The following TFAP2A variants were observed in gnomAD, a reference collection of about 807,000 sequenced individuals.
TFAP2A encodes transcription factor AP-2-alpha.
In TFAP2A, 7 loss-of-function variants were observed where a neutral mutation model predicts 41.5. That is an observed-to-expected ratio of 0.17 (90% CI 0.10 to 0.32). TFAP2A has a LOEUF of 0.32. Among genes scored for constraint, TFAP2A ranks in the 10% least tolerant of loss-of-function variants. TFAP2A has a pLI of 1.00. For missense variants in TFAP2A, 416 were observed against 563.3 expected, an observed-to-expected ratio of 0.74 and a Z score of 2.65; for synonymous variants, 247 against 242.8, an observed-to-expected ratio of 1.02 and a Z score of -0.16.
At chr6:10,413,688 TG>T (rs1018153187) in intron 1 of TFAP2A, among the ~76,000 whole-genome samples, 22 of 151,638 alleles carry the variant, frequency 1.5e-4, no homozygotes, top group African/African-American at 5.1e-4. Context: ...TCTACCGGGG[TG>T]GGGGGCCTGA....
rs1292186347 is a variant in TFAP2A at position 10,397,757 on chromosome 6, T to C, written c.*660A>G. On this transcript the variant is annotated 3_prime_UTR_variant, in exon 7 of 7. Transcript: ENST00000379613. ...ACAGAGACGTGAACACTGATTCCCT[T>C]ATATAACTGCGAATCGTGTTGCCAG... The C allele has an allele frequency of 1.7e-5, 10 of 603,254 alleles. No homozygotes were observed. Among genetic ancestry groups the C allele is most frequent in the Non-Finnish European group, 1.9e-5 (9 of 481,012 alleles). 37.4% of individuals were successfully genotyped at this position (603,254 alleles called of 1,614,324 possible). A position where few individuals can be genotyped will look rare whatever the true frequency, so the allele number is the denominator to read the frequency against.
chr6:10,401,239 T>C (rs893032094), intron 5 of TFAP2A, among the ~76,000 whole-genome samples: 1 of 152,180 alleles, frequency 6.6e-6, no homozygotes, highest in African/African-American at 2.4e-5. Context: ...TCACAAACAA[T>C]AACAGTTCTC....
chr6:10,414,098 T>C (rs1758131576), intron 1 of TFAP2A, among the ~76,000 whole-genome samples: 1 of 152,240 alleles, frequency 6.6e-6, no homozygotes, highest in South Asian at 2.1e-4. Context: ...CGGCGCGCTC[T>C]GTCGGCCCAG....
intron 2 of TFAP2A, chr6:10,407,869 C>T (rs1487263537): frequency 6.6e-6 from 1 of 152,186 alleles, no homozygotes; most frequent in Admixed American, 6.5e-5. Flanking sequence ...TCAATGCTCT[C>T]ATTTGTAACT....
At chr6:10,411,551 G>A in intron 1 of TFAP2A, 1 of 1,613,926 alleles carries the variant, frequency 6.2e-7, no homozygotes, top group Non-Finnish European at 8.5e-7. Context: ...ACAGCAACGG[G>A]GGTGGGGATG....
At chr6:10,417,531 C>T (rs1370111451), upstream of TFAP2A, among the ~76,000 whole-genome samples, 2 of 152,358 alleles carry the variant, frequency 1.3e-5, no homozygotes, top group East Asian at 3.9e-4. Flanking sequence ...GGGCCAGAAC[C>T]CCGGGACAGC....
Position 10,397,422 on chromosome 6 carries a change from G to A in TFAP2A, c.*995C>T, listed in dbSNP as rs1242562543. 6.6e-6 allele frequency: 1 copy of A among 150,780 alleles called. No individual in the cohort carries two copies. Among genetic ancestry groups the A allele is most frequent in the East Asian group, 1.9e-4 (1 of 5,170 alleles). 9.3% of individuals were successfully genotyped at this position (150,780 alleles called of 1,614,324 possible). A position where few individuals can be genotyped will look rare whatever the true frequency, so the allele number is the denominator to read the frequency against. ...GGTCCAATATCACTTTTTTTCTTTC[G>A]GTTCAATGAAAAGCTAAATGTAATA... On this transcript the variant is annotated 3_prime_UTR_variant, in exon 7 of 7. Coordinates refer to ENST00000379613, the MANE Select transcript of TFAP2A (RefSeq NM_001372066.1).
chr6:10,413,748 C>T (rs1281785907), intron 1 of TFAP2A, among the ~76,000 whole-genome samples: 5 of 152,036 alleles, frequency 3.3e-5, no homozygotes, highest in African/African-American at 1.2e-4. Flanking sequence ...GAGGAGGGAG[C>T]GGGTGACACA....
At chr6:10,416,085 A>G (rs1306480906), upstream of TFAP2A, 2 of 152,356 alleles carry the variant, frequency 1.3e-5, no homozygotes, top group South Asian at 2.1e-4. Flanking sequence ...CCGCTTCTGA[A>G]GTTGAGCCTA....
At chr6:10,408,754 T>G (rs1021873761) in intron 2 of TFAP2A, among the ~76,000 whole-genome samples, 14 of 152,196 alleles carry the variant, frequency 9.2e-5, no homozygotes, top group African/African-American at 2.4e-4. Context: ...AAATGAGAGA[T>G]GTAATAAATT....
At chr6:10,419,191 G>T (rs1203974027), upstream of TFAP2A, among the ~76,000 whole-genome samples, 1 of 152,158 alleles carries the variant, frequency 6.6e-6, no homozygotes, top group Non-Finnish European at 1.5e-5. Context: ...CCCCGGCGCC[G>T]GGCCCCGCGG....
Position 10,398,100 on chromosome 6 carries a change from A to C in TFAP2A, c.*317T>G. The C allele has an allele frequency of 8.1e-7, 1 of 1,231,234 alleles. No individual in the cohort carries two copies. Among genetic ancestry groups the C allele is most frequent in the Non-Finnish European group, 1.0e-6 (1 of 985,182 alleles). The allele number at this position is 1,231,234 out of a possible 1,614,324, so 76.3% of individuals were successfully genotyped here. On this transcript the variant is annotated 3_prime_UTR_variant, in exon 7 of 7. Transcript: ENST00000379613. The surrounding 1 kb of genome is among the most constrained non-coding windows in gnomAD (Gnocchi z 5.3). ...GTTTTGTTTAAAAAAAAAAGGGTTCACAAACTTGGCAGAACTTTTCTCTGC... is the reference window on the plus strand; with the variant it reads ...GTTTTGTTTAAAAAAAAAAGGGTTCCCAAACTTGGCAGAACTTTTCTCTGC...
At chr6:10,402,051 G>A (rs1275695114) in intron 5 of TFAP2A, 3 of 336,418 alleles carry the variant, frequency 8.9e-6, no homozygotes, top group Admixed American at 8.5e-5. Flanking sequence ...ACAAAGACCT[G>A]AAAGGGCACA....
chr6:10,419,465 C>T (rs761175309), upstream of TFAP2A: 3 of 1,614,176 alleles, frequency 1.9e-6, no homozygotes, highest in East Asian at 4.5e-5. Flanking sequence ...GCTCTGCGCT[C>T]CTGGCGACTG....
chr6:10,416,371 C>A (rs1024615038), upstream of TFAP2A: 11 of 151,568 alleles, frequency 7.3e-5, no homozygotes, highest in African/African-American at 2.7e-4. Context: ...CTCACCGGGG[C>A]CTGCTGGGTC....
chr6:10,419,572 C>G, upstream of TFAP2A: 1 of 1,310,876 alleles, frequency 7.6e-7, no homozygotes, highest in Non-Finnish European at 1.1e-6. Flanking sequence ...AACATCTCAC[C>G]TGGTCATAAA....
rs779545229 is a variant in TFAP2A at position 10,400,598 on chromosome 6, A to G, written c.890-9T>C. 9 of 1,614,104 alleles carry G rather than the reference A, an allele frequency of 5.6e-6. No homozygotes were observed. In the South Asian group the frequency reaches 8.8e-5, roughly 16 times the overall value. On this transcript the variant is annotated splice_polypyrimidine_tract_variant and intron_variant, in intron 5 of 6. Coordinates refer to ENST00000379613, the MANE Select transcript of TFAP2A (RefSeq NM_001372066.1). ...TAGGTGGACAGCTTCTCCTGGCAAG[A>G]GGGGAGAGGAGGGAGCCAGTGCGAG...
Position 10,398,043 on chromosome 6 carries a change from TTTGTTGTTG to T in TFAP2A, c.*365_*373del. The T allele has an allele frequency of 9.2e-7, 1 of 1,088,866 alleles. No individual in the cohort carries two copies. 67.5% of individuals were successfully genotyped at this position (1,088,866 alleles called of 1,614,324 possible). On this transcript the variant is annotated 3_prime_UTR_variant, in exon 7 of 7. Coordinates refer to ENST00000379613, the MANE Select transcript of TFAP2A (RefSeq NM_001372066.1). This position sits in a 1 kb window ranked among gnomAD's most constrained non-coding sequence, Gnocchi z 5.3. The stretch of plus-strand genomic sequence containing the variant: ...TTTTTTTAGAAAAAAGTTTTTAATT[TTTGTTGTTG>T]TTGTTGCTGTTGTTGATTTGTTGTT...
Position 10,411,907 on chromosome 6 carries a change from TGTGA to T in TFAP2A, c.52-1576_52-1573del, listed in dbSNP as rs377356365. 192 of 1,253,966 alleles carry T rather than the reference TGTGA, an allele frequency of 1.5e-4. No individual in the cohort carries two copies. The African/African-American group carries it at 2.6e-3, about 17-fold the overall frequency. The allele number at this position is 1,253,966 out of a possible 1,614,324, so 77.7% of individuals were successfully genotyped here. On this transcript the variant is annotated intron_variant, in intron 1 of 6. Coordinates refer to ENST00000379613, the MANE Select transcript of TFAP2A (RefSeq NM_001372066.1). Reference sequence around the variant, plus strand: ...AAAAAAGGAAAAAGGAAAAAGTATGTGTGAGTGTGTGGGTGCGTGCGTGTTCCTT... The same window carrying T: ...AAAAAAGGAAAAAGGAAAAAGTATGTGTGTGTGGGTGCGTGCGTGTTCCTT...
Sources: gnomAD v4.1 joint callset for allele counts (sites outside exome capture counted in the v4.1 genomes callset) on GRCh38, gnomAD v4.1.1 for gene constraint, Gnocchi (gnomAD v3.1) non-coding constraint, MANE v1.5 for transcripts, NCBI Gene and HGNC (gene_info 2026-07-23, HGNC 2026-07-21) for gene names.